CADPS: variants seen among roughly 807,000 people sequenced by gnomAD.
CADPS encodes calcium dependent secretion activator.
A neutral mutation model predicts 167.3 loss-of-function variants in CADPS; 57 were observed. That is an observed-to-expected ratio of 0.34 (90% CI 0.28 to 0.42). CADPS has a LOEUF of 0.42. CADPS is among the 20% of genes least tolerant of loss of function. The pLI, the probability that CADPS is intolerant of heterozygous loss-of-function variation, is 1.00. For missense variants in CADPS, 1,414 were observed against 1,738.1 expected (o/e 0.81, Z 3.32); for synonymous variants, 676 against 635.3 (o/e 1.06, Z -0.96).
chr3:62,466,795 G>A (rs1262495665), intron 24 of CADPS: 3 of 242,536 alleles, frequency 1.2e-5, no homozygotes, highest in Admixed American at 1.0e-4. Flanking sequence ...AAAACTGCTG[G>A]GGGTTGTGGC....
intron 1 of CADPS, among the ~76,000 whole-genome samples, chr3:62,850,216 A>G (rs930279774): frequency 3.7e-5 from 5 of 135,988 alleles, no homozygotes; most frequent in African/African-American, 1.3e-4. Context: ...GATCCTTTCA[A>G]AAAACCAGCT....
Position 62,478,028 on chromosome 3 carries a change from G to A in CADPS, c.3329+233C>T, listed in dbSNP as rs1289246194. 4.0e-6 allele frequency: 2 copies of A among 498,698 alleles called. No individual in the cohort carries two copies. The highest frequency in any genetic ancestry group is 3.8e-5 in the African/African-American group (2 of 52,574). 30.9% of individuals were successfully genotyped at this position (498,698 alleles called of 1,614,324 possible). A position where few individuals can be genotyped will look rare whatever the true frequency, so the allele number is the denominator to read the frequency against. On this transcript the variant is annotated intron_variant, in intron 23 of 29. Transcript: ENST00000383710. This position sits in a 1 kb window ranked among gnomAD's most constrained non-coding sequence, Gnocchi z 5.7. ...TGGACAGGGATCTTTTCCTCTTAAA[G>A]CCAACAACCATGAAAAAATTGGCAG...
chr3:62,413,480 G>T (rs1002453292), intron 28 of CADPS, among the ~76,000 whole-genome samples: 2 of 152,102 alleles, frequency 1.3e-5, no homozygotes, highest in African/African-American at 4.8e-5. Context: ...CTACAATATA[G>T]ATAACCCTTG....
intron 3 of CADPS, among the ~76,000 whole-genome samples, chr3:62,732,911 G>A (rs968869265): frequency 2.6e-5 from 4 of 152,160 alleles, no homozygotes; most frequent in South Asian, 4.1e-4. Context: ...GAGCTCCTCC[G>A]ACACATTCTG....
At chr3:62,617,279 T>C (rs1369931400) in intron 6 of CADPS, among the ~76,000 whole-genome samples, 1 of 152,138 alleles carries the variant, frequency 6.6e-6, no homozygotes, top group African/African-American at 2.4e-5. Flanking sequence ...ACGAGATTGA[T>C]GTGGTAGCAG....
chr3:62,627,714 C>A (rs1415468662), intron 6 of CADPS, among the ~76,000 whole-genome samples: 1 of 140,112 alleles, frequency 7.1e-6, no homozygotes, highest in East Asian at 2.2e-4. Flanking sequence ...TTCAGAAGAC[C>A]CTAACCTGTG....
At chr3:62,742,347 G>A (rs1229574600) in intron 3 of CADPS, among the ~76,000 whole-genome samples, 1 of 152,112 alleles carries the variant, frequency 6.6e-6, no homozygotes, top group Non-Finnish European at 1.5e-5. Context: ...GAACAAAGCT[G>A]AAGGCATCAT....
At chr3:62,835,984 T>C (rs1453754944) in intron 1 of CADPS, among the ~76,000 whole-genome samples, 1 of 152,218 alleles carries the variant, frequency 6.6e-6, no homozygotes, top group Non-Finnish European at 1.5e-5. Flanking sequence ...TACAACTGCA[T>C]GTGTTTAGGC....
intron 28 of CADPS, among the ~76,000 whole-genome samples, chr3:62,405,148 G>T (rs1054050767): frequency 6.7e-6 from 1 of 148,690 alleles, no homozygotes; most frequent in African/African-American, 2.5e-5. Context: ...GGGGGGGGGG[G>T]GGCTCAACAG....
intron 22 of CADPS, among the ~76,000 whole-genome samples, chr3:62,479,364 C>G (rs1452082): frequency 2.0e-5 from 3 of 152,000 alleles, no homozygotes; most frequent in Non-Finnish European, 2.9e-5. Context: ...TGTCCTCCCC[C>G]CCACCCACTT....
Position 62,709,579 on chromosome 3 carries a change from C to T in CADPS, c.888+43862G>A, listed in dbSNP as rs562374765. 1.3e-4 allele frequency among the ~76,000 whole-genome samples: 20 copies of T among 152,098 alleles called. 1 individual carries two copies. Among genetic ancestry groups the T allele is most frequent in the African/African-American group, 4.6e-4 (19 of 41,444 alleles). ...AGCTATTTGTTGCTCTCCTACTATG[C>T]GTTAGGCATATGCCCGACCTAGCTT... On this transcript the variant is annotated intron_variant, in intron 3 of 29. Transcript: ENST00000383710.
chr3:62,527,473 G>T (rs1318217650), intron 13 of CADPS, among the ~76,000 whole-genome samples: 1 of 151,686 alleles, frequency 6.6e-6, no homozygotes, highest in Admixed American at 6.6e-5. Context: ...GGGGGAGTGG[G>T]GATTACCCCC....
At chr3:62,605,327 C>T (rs1340349834) in intron 6 of CADPS, among the ~76,000 whole-genome samples, 2 of 152,124 alleles carry the variant, frequency 1.3e-5, no homozygotes, top group Admixed American at 1.3e-4. Context: ...TGGCTATGCC[C>T]CTCATTTATA....
At position 62,403,150 on chromosome 3, in the gene CADPS, G is replaced by C; in HGVS notation, c.3813C>G (p.Thr1271=). ...GTAAGTCCATCCGGTCCGTCAACCA[G>C]GTGCAGATCACGTTCATGGAGCTGT... ...WYNSSMNVIC[T]WLTDRMDLQL... The change falls in exon 29 of 30, where the codon ACC becomes ACG. Residue 1271 remains threonine, a synonymous_variant. Coordinates refer to ENST00000383710, the MANE Select transcript of CADPS (RefSeq NM_003716.4). The C allele has an allele frequency of 6.2e-7, 1 of 1,613,616 alleles. No homozygotes were observed. Among genetic ancestry groups the C allele is most frequent in the South Asian group, 1.1e-5 (1 of 91,044 alleles).
intron 11 of CADPS, among the ~76,000 whole-genome samples, chr3:62,542,858 A>G (rs929176726): frequency 6.6e-6 from 1 of 152,230 alleles, no homozygotes; most frequent in African/African-American, 2.4e-5. Flanking sequence ...AAAGATCTCA[A>G]GCAAAATAAA....
chr3:62,697,362 G>A lies in CADPS; in HGVS notation c.889-34968C>T, dbSNP rs191293558. ...CCACTTATGAGTGAGAGCATATGAT[G>A]TTTGGTTTTCCATTCCTAAGTTACT... On this transcript the variant is annotated intron_variant, in intron 3 of 29. Transcript: ENST00000383710. Among the ~76,000 whole-genome samples, 127 of 152,140 alleles carry A rather than the reference G, an allele frequency of 8.3e-4. 2 individuals carry two copies. The highest frequency in any genetic ancestry group is 2.9e-3 in the African/African-American group (122 of 41,476).
At chr3:62,794,642 G>A (rs546913529) in intron 1 of CADPS, among the ~76,000 whole-genome samples, 1 of 151,998 alleles carries the variant, frequency 6.6e-6, no homozygotes, top group Non-Finnish European at 1.5e-5. Context: ...AGATGGTAAT[G>A]AAAACTATAA....
intron 1 of CADPS, among the ~76,000 whole-genome samples, chr3:62,828,321 G>A (rs1162448411): frequency 6.6e-6 from 1 of 152,194 alleles, no homozygotes; most frequent in Admixed American, 6.5e-5. Context: ...GCTATCAAAT[G>A]TGCAGTAGCC....
chr3:62,490,567 A>G (rs2063533580), intron 21 of CADPS, among the ~76,000 whole-genome samples: 1 of 152,198 alleles, frequency 6.6e-6, no homozygotes, highest in South Asian at 2.1e-4. Context: ...GAAATTGACA[A>G]ACTTGCAACC....
Sources: gnomAD v4.1 joint callset for allele counts (sites outside exome capture counted in the v4.1 genomes callset) on GRCh38, gnomAD v4.1.1 for gene constraint, Gnocchi (gnomAD v3.1) non-coding constraint, MANE v1.5 for transcripts, NCBI Gene and HGNC (gene_info 2026-07-23, HGNC 2026-07-21) for gene names.